Variants in CACNG2 observed in about 807,000 individuals in gnomAD.
CACNG2 encodes the protein calcium voltage-gated channel auxiliary subunit gamma 2.
A neutral mutation model predicts 25.9 loss-of-function variants in CACNG2; 3 were observed. The observed-to-expected ratio is 0.12, with a 90% CI of 0.05 to 0.30. The LOEUF is 0.30. CACNG2 is among the 10% of genes least tolerant of loss of function. CACNG2 has a pLI of 1.00. For missense variants in CACNG2, 341 were observed against 432.5 expected (o/e 0.79, Z 1.88); for synonymous variants, 167 against 173.3 (o/e 0.96, Z 0.29).
intron 1 of CACNG2, among the ~76,000 whole-genome samples, chr22:36,692,772 T>A (rs1937281416): frequency 6.6e-6 from 1 of 152,202 alleles, no homozygotes; most frequent in Non-Finnish European, 1.5e-5. Flanking sequence ...GCAGACATGG[T>A]CCCTGCCCTC....
At chr22:36,688,939 C>T (rs1404881778) in intron 1 of CACNG2, among the ~76,000 whole-genome samples, 1 of 152,200 alleles carries the variant, frequency 6.6e-6, no homozygotes, top group Non-Finnish European at 1.5e-5. Flanking sequence ...GTGCTCCACT[C>T]TCTCCTTGAC....
intron 2 of CACNG2, among the ~76,000 whole-genome samples, chr22:36,582,652 G>C (rs1434836495): frequency 1.3e-5 from 2 of 150,660 alleles, no homozygotes; most frequent in Non-Finnish European, 3.0e-5. Context: ...CAGGTGATCT[G>C]CCCACCTTGG....
At chr22:36,578,242 C>T (rs538454003) in intron 2 of CACNG2, among the ~76,000 whole-genome samples, 8 of 151,820 alleles carry the variant, frequency 5.3e-5, no homozygotes, top group African/African-American at 1.9e-4. Flanking sequence ...TGGCGTGCAC[C>T]TGTAATCCCA....
intron 1 of CACNG2, among the ~76,000 whole-genome samples, chr22:36,605,000 C>T (rs1935810152): frequency 6.6e-6 from 1 of 152,166 alleles, no homozygotes. Context: ...GTCTCAAACT[C>T]CTGGGCTTAA....
chr22:36,695,737 G>C (rs1437468191), intron 1 of CACNG2, among the ~76,000 whole-genome samples: 1 of 152,078 alleles, frequency 6.6e-6, no homozygotes, highest in East Asian at 1.9e-4. Flanking sequence ...CCTGTGAATA[G>C]CACTTATCAG....
At chr22:36,594,516 T>C (rs1935643009) in intron 1 of CACNG2, among the ~76,000 whole-genome samples, 1 of 152,236 alleles carries the variant, frequency 6.6e-6, no homozygotes, top group South Asian at 2.1e-4. Context: ...AGGATGTGTG[T>C]GATGACAGAG....
At chr22:36,647,078 G>C (rs533849897) in intron 1 of CACNG2, among the ~76,000 whole-genome samples, 16 of 152,132 alleles carry the variant, frequency 1.1e-4, no homozygotes, top group African/African-American at 3.1e-4. Flanking sequence ...GGCATATCTT[G>C]ATTTTAGGTT....
At chr22:36,700,999 C>T (rs1937404614) in intron 1 of CACNG2, among the ~76,000 whole-genome samples, 1 of 152,106 alleles carries the variant, frequency 6.6e-6, no homozygotes, top group Non-Finnish European at 1.5e-5. Flanking sequence ...GTGGCTTTTG[C>T]TCAGTTTGGG....
chr22:36,603,607 G>T (rs1474657585), intron 1 of CACNG2, among the ~76,000 whole-genome samples: 2 of 152,224 alleles, frequency 1.3e-5, no homozygotes, highest in Non-Finnish European at 2.9e-5. Context: ...GTGACTTTAA[G>T]TTGAGGCCAA....
At chr22:36,586,898 T>G (rs1935513483) in intron 2 of CACNG2, among the ~76,000 whole-genome samples, 1 of 152,106 alleles carries the variant, frequency 6.6e-6, no homozygotes, top group African/African-American at 2.4e-5. Context: ...AGATTGCAGC[T>G]GTTACATCAG....
intron 1 of CACNG2, among the ~76,000 whole-genome samples, chr22:36,662,914 T>C (rs1936820380): frequency 6.6e-6 from 1 of 152,122 alleles, no homozygotes; most frequent in African/African-American, 2.4e-5. Flanking sequence ...TTTACTCATC[T>C]CTTTTACTGG....
At chr22:36,698,168 C>G (rs550073438) in intron 1 of CACNG2, among the ~76,000 whole-genome samples, 2 of 152,134 alleles carry the variant, frequency 1.3e-5, no homozygotes, top group African/African-American at 4.8e-5. Flanking sequence ...CTCTCTTCTT[C>G]GCCCTCTCTC....
intron 2 of CACNG2, among the ~76,000 whole-genome samples, chr22:36,572,595 G>A (rs940767380): frequency 6.6e-6 from 1 of 152,080 alleles, no homozygotes; most frequent in Non-Finnish European, 1.5e-5. Context: ...CCAGCTACTC[G>A]GGAGCCCGAG....
At chr22:36,691,892 A>G (rs1203648510) in intron 1 of CACNG2, among the ~76,000 whole-genome samples, 1 of 152,240 alleles carries the variant, frequency 6.6e-6, no homozygotes, top group East Asian at 1.9e-4. Context: ...TACTCTGCAA[A>G]CATGGTGGAG....
chr22:36,645,464 G>A (rs982803988), intron 1 of CACNG2, among the ~76,000 whole-genome samples: 1 of 150,668 alleles, frequency 6.6e-6, no homozygotes, highest in African/African-American at 2.4e-5. Flanking sequence ...ATGAACCCCA[G>A]AGGCGGAGCT....
rs1936349030 is a variant in CACNG2, at chr22:36,635,827, T to C, written c.212-48279A>G. Among the ~76,000 whole-genome samples the C allele has an allele frequency of 3.3e-5, 5 of 152,168 alleles. No homozygotes were observed. In the South Asian group the frequency reaches 1.0e-3, roughly 32 times the overall value. ...AGCATCTCTTGCTCACCACGTCCAG[T>C]TGTGAGAGTCAGGATTCTGGGAGTC... is the stretch of plus-strand genomic sequence containing the variant. On this transcript the variant is annotated intron_variant, in intron 1 of 3. Transcript: ENST00000300105.
intron 1 of CACNG2, among the ~76,000 whole-genome samples, chr22:36,693,475 C>A (rs1461939611): frequency 6.6e-6 from 1 of 152,208 alleles, no homozygotes; most frequent in African/African-American, 2.4e-5. Context: ...CTGACCCACT[C>A]CTCATCCCAT....
rs555100754 is a variant in CACNG2 at position 36,693,076 on chromosome 22, A to G, written c.211+9290T>C. Reference sequence around the variant, plus strand: ...CATAAGAATTGCTTTAACCCAGCAGACGGAGGCTGCAGTGAGCCAAGATTG... The same window carrying G: ...CATAAGAATTGCTTTAACCCAGCAGGCGGAGGCTGCAGTGAGCCAAGATTG... On this transcript the variant is annotated intron_variant, in intron 1 of 3. Coordinates refer to ENST00000300105, the MANE Select transcript of CACNG2 (RefSeq NM_006078.5). Among the ~76,000 whole-genome samples, 45 of 152,220 alleles carry G rather than the reference A, an allele frequency of 3.0e-4. 1 individual carries two copies. In the South Asian group the frequency reaches 4.8e-3, roughly 16 times the overall value.
At chr22:36,628,534 A>G (rs1936219428) in intron 1 of CACNG2, among the ~76,000 whole-genome samples, 2 of 152,220 alleles carry the variant, frequency 1.3e-5, no homozygotes, top group African/African-American at 2.4e-5. Context: ...CCTAGTGGAA[A>G]TTGGTGGTTT....
Sources: gnomAD v4.1 joint callset for allele counts (sites outside exome capture counted in the v4.1 genomes callset) on GRCh38, gnomAD v4.1.1 for gene constraint, MANE v1.5 for transcripts, NCBI Gene and HGNC (gene_info 2026-07-23, HGNC 2026-07-21) for gene names.